Variants in KCNIP4 observed in about 807,000 individuals in gnomAD.
The protein encoded by KCNIP4 is Kv channel-interacting protein 4.
KCNIP4 carries 12 observed loss-of-function variants against 34.0 expected under a neutral mutation model. The ratio of observed to expected loss-of-function variants is 0.35; its 90% CI spans 0.23 to 0.57. KCNIP4 has a LOEUF of 0.57. KCNIP4 is among the 20% of genes least tolerant of loss of function. The pLI is 0.83. For missense variants in KCNIP4, 238 were observed against 311.7 expected, an observed-to-expected ratio of 0.76 and a Z score of 1.78; for synonymous variants, 124 against 102.2, an observed-to-expected ratio of 1.21 and a Z score of -1.29.
At chr4:21,418,047 T>C (rs546900889) in intron 1 of KCNIP4, among the ~76,000 whole-genome samples, 2 of 152,256 alleles carry the variant, frequency 1.3e-5, no homozygotes, top group East Asian at 3.9e-4. Flanking sequence ...AAGGAATTAC[T>C]CTAGAAAGCA....
At chr4:21,268,836 G>T (rs1294219697) in intron 1 of KCNIP4, among the ~76,000 whole-genome samples, 1 of 152,202 alleles carries the variant, frequency 6.6e-6, no homozygotes, top group Non-Finnish European at 1.5e-5. Flanking sequence ...AAAACTTCCT[G>T]GGCAAAACTA....
chr4:21,498,934 A>C (rs1733072916), intron 1 of KCNIP4, among the ~76,000 whole-genome samples: 1 of 152,192 alleles, frequency 6.6e-6, no homozygotes, highest in South Asian at 2.1e-4. Context: ...CAGATACTAC[A>C]ATTGTGCTGG....
intron 1 of KCNIP4, among the ~76,000 whole-genome samples, chr4:21,663,357 G>A (rs1235173752): frequency 6.6e-6 from 1 of 150,484 alleles, no homozygotes; most frequent in East Asian, 2.0e-4. Flanking sequence ...TGCTTACTGT[G>A]AAAAGCTGAT....
intron 1 of KCNIP4, among the ~76,000 whole-genome samples, chr4:21,358,856 T>TG (rs1203786780): frequency 6.6e-6 from 1 of 151,936 alleles, no homozygotes; most frequent in Non-Finnish European, 1.5e-5. Context: ...ACCTATGACC[T>TG]GGAAGACCCT....
chr4:21,139,770 G>A (rs929400360), intron 1 of KCNIP4, among the ~76,000 whole-genome samples: 1 of 152,084 alleles, frequency 6.6e-6, no homozygotes, highest in African/African-American at 2.4e-5. Context: ...AATCTCAGGG[G>A]CATCCCATAA....
intron 1 of KCNIP4, among the ~76,000 whole-genome samples, chr4:21,030,232 G>A (rs375146812): frequency 1.3e-5 from 2 of 152,008 alleles, no homozygotes; most frequent in South Asian, 2.1e-4. Flanking sequence ...TCTTAGGAGC[G>A]TGAACCCTAT....
intron 1 of KCNIP4, among the ~76,000 whole-genome samples, chr4:21,447,457 A>G (rs938649749): frequency 1.3e-5 from 2 of 152,282 alleles, no homozygotes; most frequent in East Asian, 1.9e-4. Context: ...GTCACCAAGT[A>G]TATGCTAATT....
intron 1 of KCNIP4, among the ~76,000 whole-genome samples, chr4:21,702,992 A>C (rs543530593): frequency 6.5e-4 from 12 of 18,380 alleles, no homozygotes; most frequent in South Asian, 4.8e-3. Context: ...GCCCCCCACA[A>C]AAAAAAATCA....
intron 1 of KCNIP4, among the ~76,000 whole-genome samples, chr4:20,906,096 T>C (rs1238492367): frequency 1.3e-5 from 2 of 149,172 alleles, no homozygotes; most frequent in Non-Finnish European, 3.0e-5. Context: ...TTTCTTTTCT[T>C]TCTCTCTTTT....
At chr4:21,003,717 C>A (rs1277153849) in intron 1 of KCNIP4, among the ~76,000 whole-genome samples, 2 of 152,114 alleles carry the variant, frequency 1.3e-5, no homozygotes, top group African/African-American at 2.4e-5. Context: ...GGGGTTATTG[C>A]TGATATTATT....
chr4:20,736,408 C>T (rs1418458799), intron 5 of KCNIP4, among the ~76,000 whole-genome samples: 2 of 151,680 alleles, frequency 1.3e-5, no homozygotes, highest in Non-Finnish European at 2.9e-5. Flanking sequence ...TTTTTTCTAT[C>T]ATATATTCTA....
chr4:21,556,928 A>AAAAAAAC (rs1739088686), intron 1 of KCNIP4, among the ~76,000 whole-genome samples: 1 of 149,000 alleles, frequency 6.7e-6, no homozygotes, highest in African/African-American at 2.5e-5. Context: ...CTCAGAAAAA[A>AAAAAAAC]AAAAAAAAAA....
intron 1 of KCNIP4, among the ~76,000 whole-genome samples, chr4:21,503,359 C>A (rs1733523033): frequency 6.6e-6 from 1 of 152,134 alleles, no homozygotes; most frequent in African/African-American, 2.4e-5. Flanking sequence ...CAAGCAAGTA[C>A]CTTACATAAC....
At chr4:21,055,607 CA>C (rs745541898) in intron 1 of KCNIP4, among the ~76,000 whole-genome samples, 3 of 151,202 alleles carry the variant, frequency 2.0e-5, no homozygotes, top group Non-Finnish European at 4.5e-5. Flanking sequence ...AATGAGCTAA[CA>C]AGCCACAACC....
At chr4:20,833,484 C>CAAT (rs375084319) in intron 3 of KCNIP4, among the ~76,000 whole-genome samples, 6,908 of 150,878 alleles carry the variant, frequency 0.046, 184 homozygotes, top group African/African-American at 0.069. Context: ...GACCCCATCT[C>CAAT]AATAATAATA....
At chr4:21,501,842 T>C (rs1733380817) in intron 1 of KCNIP4, among the ~76,000 whole-genome samples, 1 of 152,080 alleles carries the variant, frequency 6.6e-6, no homozygotes, top group Non-Finnish European at 1.5e-5. Context: ...TCCTTTTTTA[T>C]ATATCTGGTT....
intron 1 of KCNIP4, among the ~76,000 whole-genome samples, chr4:21,219,152 T>C (rs1757815032): frequency 1.3e-5 from 2 of 152,196 alleles, no homozygotes; most frequent in Non-Finnish European, 2.9e-5. Context: ...CCCTGCGTTC[T>C]GGAAACAAGC....
intron 1 of KCNIP4, among the ~76,000 whole-genome samples, chr4:21,669,566 T>A (rs919897817): frequency 1.4e-4 from 22 of 152,324 alleles, no homozygotes; most frequent in African/African-American, 4.8e-4. Flanking sequence ...GTCAAAAGTT[T>A]TATGTGGATT....
intron 1 of KCNIP4, among the ~76,000 whole-genome samples, chr4:21,556,793 T>C (rs868694622): frequency 6.7e-6 from 1 of 150,348 alleles, no homozygotes; most frequent in Admixed American, 6.6e-5. Context: ...TAGTGGCAGG[T>C]GCCTGTAATC....
Sources: gnomAD v4.1 joint callset for allele counts (sites outside exome capture counted in the v4.1 genomes callset) on GRCh38, gnomAD v4.1.1 for gene constraint, MANE v1.5 for transcripts, NCBI Gene and HGNC (gene_info 2026-07-23, HGNC 2026-07-21) for gene names.